EVL: variants seen among roughly 807,000 people sequenced by gnomAD.
EVL encodes the protein ena/VASP-like protein.
A neutral mutation model predicts 59.6 loss-of-function variants in EVL; 21 were observed. The ratio of observed to expected loss-of-function variants is 0.35; its 90% CI spans 0.25 to 0.51. The LOEUF is 0.51. EVL is among the 20% of genes least tolerant of loss of function. The pLI is 0.97. For synonymous variants in EVL, 198 were observed against 203.5 expected (o/e 0.97, Z 0.23); for missense variants, 462 against 546.6 (o/e 0.85, Z 1.54).
chr14:99,999,392 C>G (rs1411517064), intron 1 of EVL, among the ~76,000 whole-genome samples: 2 of 152,308 alleles, frequency 1.3e-5, no homozygotes, highest in South Asian at 2.1e-4. Flanking sequence ...CCTCATTTAT[C>G]AAATGGGAAA....
chr14:100,058,282 T>G (rs1233767315), intron 1 of EVL, among the ~76,000 whole-genome samples: 1 of 152,230 alleles, frequency 6.6e-6, no homozygotes, highest in Non-Finnish European at 1.5e-5. Flanking sequence ...AGTTGTTGTT[T>G]ATTGAGCATT....
intron 1 of EVL, among the ~76,000 whole-genome samples, chr14:100,080,159 G>A (rs2062264783): frequency 6.6e-6 from 1 of 151,840 alleles, no homozygotes; most frequent in South Asian, 2.1e-4. Context: ...GCTTCCCTGG[G>A]CCACATTGGA....
chr14:100,008,255 A>T (rs1285760783), intron 1 of EVL, among the ~76,000 whole-genome samples: 1 of 152,202 alleles, frequency 6.6e-6, no homozygotes, highest in Non-Finnish European at 1.5e-5. Flanking sequence ...AGGTGATGCT[A>T]ATATGGCTGG....
intron 3 of EVL, among the ~76,000 whole-genome samples, chr14:100,112,910 G>T (rs577805353): frequency 5.3e-5 from 8 of 152,266 alleles, no homozygotes; most frequent in Non-Finnish European, 1.0e-4. Flanking sequence ...ACCTATTCTG[G>T]GCCATGCACC....
intron 1 of EVL, among the ~76,000 whole-genome samples, chr14:99,994,329 G>A (rs2140180446): frequency 6.6e-6 from 1 of 151,798 alleles, no homozygotes; most frequent in South Asian, 2.1e-4. Flanking sequence ...TGTATGCCTT[G>A]TAGCTTTTTG....
intron 1 of EVL, among the ~76,000 whole-genome samples, chr14:100,030,538 C>T (rs1449672510): frequency 6.6e-6 from 1 of 152,198 alleles, no homozygotes; most frequent in African/African-American, 2.4e-5. Context: ...ATACATTCTC[C>T]AGCTAGAGTA....
chr14:100,054,704 T>C (rs550234855), intron 1 of EVL, among the ~76,000 whole-genome samples: 1 of 152,206 alleles, frequency 6.6e-6, no homozygotes, highest in Admixed American at 6.5e-5. Flanking sequence ...GCCTGTGCCT[T>C]CCCCTGGCTC....
chr14:99,994,358 GT>G (rs2060898204), intron 1 of EVL, among the ~76,000 whole-genome samples: 1 of 151,360 alleles, frequency 6.6e-6, no homozygotes, highest in South Asian at 2.1e-4. Flanking sequence ...TTCTTCTCTT[GT>G]TGCTGCTTTT....
chr14:100,112,925 C>T (rs1298329536), intron 3 of EVL, among the ~76,000 whole-genome samples: 1 of 152,228 alleles, frequency 6.6e-6, no homozygotes, highest in Non-Finnish European at 1.5e-5. Context: ...TGCACCAGAA[C>T]ACAAAGATGA....
upstream of EVL, chr14:100,065,407 G>A (rs369376936): frequency 1.4e-5 from 18 of 1,274,550 alleles, no homozygotes; most frequent in African/African-American, 2.7e-4. Context: ...TCAAGTTGCT[G>A]TCTTCAGAGG....
At chr14:100,025,359 G>A (rs1216125181) in intron 1 of EVL, among the ~76,000 whole-genome samples, 1 of 152,054 alleles carries the variant, frequency 6.6e-6, no homozygotes, top group Non-Finnish European at 1.5e-5. Flanking sequence ...CCTCCTCCTT[G>A]AGGCCTGTGC....
chr14:100,137,535 C>T (rs1333192559), intron 9 of EVL, 43 bp from the exon 10 acceptor site: 14 of 1,604,590 alleles, frequency 8.7e-6, no homozygotes, highest in Non-Finnish European at 1.1e-5. Context: ...GCTACTGAGT[C>T]CCTTCACCTG....
intron 2 of EVL, among the ~76,000 whole-genome samples, chr14:100,087,361 C>T (rs1226307393): frequency 6.6e-6 from 1 of 152,182 alleles, no homozygotes; most frequent in Non-Finnish European, 1.5e-5. Flanking sequence ...TGCCTGTAAT[C>T]CCAACACTTT....
chr14:100,019,474 G>C, intron 1 of EVL: 1 of 536,088 alleles, frequency 1.9e-6, no homozygotes, highest in Non-Finnish European at 3.2e-6. Flanking sequence ...GTTAGCTGCC[G>C]CTTGTCAGCA....
At chr14:100,077,804 GCT>G (rs761084381) in intron 1 of EVL, among the ~76,000 whole-genome samples, 74 of 152,086 alleles carry the variant, frequency 4.9e-4, no homozygotes, top group Non-Finnish European at 8.7e-4. Context: ...ATGGAGTCTG[GCT>G]CTGTCGCCCA....
At position 100,128,723 on chromosome 14, in the gene EVL, G is replaced by T. The variant is rs985850682; in HGVS notation, c.692G>T (p.Gly231Val). ...TCAGGACTGGCCGCTGCCATAGCTGGGGCCAAGCTGAGAAGAGTCCAACGG... is the reference window on the plus strand; with the variant it reads ...TCAGGACTGGCCGCTGCCATAGCTGTGGCCAAGCTGAGAAGAGTCCAACGG... ...SMSGLAAAIAGAKLRRVQRPE... is the reference protein window; with the variant it reads ...SMSGLAAAIAVAKLRRVQRPE... The change falls in exon 6 of 14, where the codon GGG becomes GTG. Residue 231 changes from glycine (G) to valine (V), a missense_variant. Gly to Val is a moderately radical substitution (Grantham distance 109). Transcript: ENST00000392920. 6.2e-7 allele frequency: 1 copy of T among 1,606,496 alleles called. No homozygotes were observed. Among genetic ancestry groups the T allele is most frequent in the Non-Finnish European group, 8.5e-7 (1 of 1,179,634 alleles).
At chr14:100,131,719 GA>G (rs1595241791) in intron 7 of EVL, among the ~76,000 whole-genome samples, 1 of 152,356 alleles carries the variant, frequency 6.6e-6, no homozygotes, top group East Asian at 1.9e-4. Context: ...AGGAAGAGAT[GA>G]TAGGGGCATG....
intron 1 of EVL, among the ~76,000 whole-genome samples, chr14:100,077,271 GATGTTT>G (rs1401418844): frequency 6.6e-6 from 1 of 152,218 alleles, no homozygotes; most frequent in Non-Finnish European, 1.5e-5. Flanking sequence ...AGATCCAAAA[GATGTTT>G]AAGAAATAGA....
At chr14:100,131,724 G>C (rs1478530518) in intron 7 of EVL, among the ~76,000 whole-genome samples, 1 of 152,186 alleles carries the variant, frequency 6.6e-6, no homozygotes, top group Non-Finnish European at 1.5e-5. Flanking sequence ...GAGATGATAG[G>C]GGCATGCAGG....
Sources: gnomAD v4.1 joint callset for allele counts (sites outside exome capture counted in the v4.1 genomes callset) on GRCh38, gnomAD v4.1.1 for gene constraint, MANE v1.5 for transcripts, NCBI Gene and HGNC (gene_info 2026-07-23, HGNC 2026-07-21) for gene names.